FMNL3: variants seen among roughly 807,000 people sequenced by gnomAD.
FMNL3 encodes formin-like protein 3.
Under a neutral mutation model 119.6 loss-of-function variants are expected in FMNL3, and 57 were observed. The observed-to-expected ratio is 0.48, with a 90% confidence interval of 0.39 to 0.59. FMNL3 has a LOEUF of 0.59. FMNL3 is among the 20% of genes least tolerant of loss of function. The pLI, the probability that FMNL3 is intolerant of heterozygous loss-of-function variation, is 0.00. For synonymous variants in FMNL3, 491 were observed against 507.3 expected (o/e 0.97, Z 0.43); for missense variants, 1,053 against 1,323.5 (o/e 0.80, Z 3.17).
rs993910951 is a variant in FMNL3, at chr12:49,642,267, G to A, written c.*3548C>T. The A allele has an allele frequency of 5.0e-6, 8 of 1,614,106 alleles. No individual in the cohort carries two copies. The highest frequency in any genetic ancestry group is 6.8e-6 in the Non-Finnish European group (8 of 1,180,050). On this transcript the variant is annotated 3_prime_UTR_variant, in exon 26 of 26. Coordinates refer to ENST00000335154, the MANE Select transcript of FMNL3 (RefSeq NM_175736.5). This position sits in a 1 kb window ranked among gnomAD's most constrained non-coding sequence, Gnocchi z 5.8. ...AGAAAGCAGAGGCACGGGAGAGGGA[G>A]CGGGAGAAGGAGGAGGCACGCAGGA... is the stretch of plus-strand genomic sequence containing the variant.
Position 49,642,197 on chromosome 12 carries a change from T to C in FMNL3, c.*3618A>G. 3 of 1,613,904 alleles carry C rather than the reference T, an allele frequency of 1.9e-6. No individual in the cohort carries two copies. The highest frequency in any genetic ancestry group is 2.5e-6 in the Non-Finnish European group (3 of 1,179,928). ...CCTGAGTGGGACCTGGCATCCACCCTCCTGGGTGACCCTGTTCCGTGTCCC... is the reference window on the plus strand; with the variant it reads ...CCTGAGTGGGACCTGGCATCCACCCCCCTGGGTGACCCTGTTCCGTGTCCC... On this transcript the variant is annotated 3_prime_UTR_variant, in exon 26 of 26. Coordinates refer to ENST00000335154, the MANE Select transcript of FMNL3 (RefSeq NM_175736.5). This position sits in a 1 kb window ranked among gnomAD's most constrained non-coding sequence, Gnocchi z 5.8.
chr12:49,665,424 G>C (rs1943862877), intron 4 of FMNL3, among the ~76,000 whole-genome samples: 1 of 152,160 alleles, frequency 6.6e-6, no homozygotes. Context: ...GCACCAAAAA[G>C]TCCAAATAGT....
Position 49,642,011 on chromosome 12 carries a change from T to A in FMNL3, c.*3804A>T. The stretch of plus-strand genomic sequence containing the variant: ...GCACTGGACGCAGGCAACATCAAGC[T>A]GACCTTCAATAGTGTGAGGGGCTGG... On this transcript the variant is annotated 3_prime_UTR_variant, in exon 26 of 26. Transcript: ENST00000335154. This position sits in a 1 kb window ranked among gnomAD's most constrained non-coding sequence, Gnocchi z 5.8. The A allele has an allele frequency of 6.2e-7, 1 of 1,612,996 alleles. No homozygotes were observed. The highest frequency in any genetic ancestry group is 2.2e-5 in the East Asian group (1 of 44,888).
At chr12:49,654,764 G>T (rs1232666444) in intron 10 of FMNL3, 146 bp downstream of exon 10, 4 of 743,682 alleles carry the variant, frequency 5.4e-6, no homozygotes, top group Non-Finnish European at 8.9e-6. Flanking sequence ...TCTGGGGTAG[G>T]CAGGTGGACA....
rs775984885 is a variant in FMNL3, at chr12:49,644,317, C to T, written c.*1498G>A. The T allele has an allele frequency of 3.8e-6, 4 of 1,063,358 alleles. No homozygotes were observed. Among genetic ancestry groups the T allele is most frequent in the Non-Finnish European group, 5.6e-6 (4 of 715,342 alleles). 65.9% of individuals were successfully genotyped at this position (1,063,358 alleles called of 1,614,324 possible). On this transcript the variant is annotated 3_prime_UTR_variant, in exon 26 of 26. Coordinates refer to ENST00000335154, the MANE Select transcript of FMNL3 (RefSeq NM_175736.5). ...CACTTTTTCTAAAGTAACCCCACCC[C>T]CAGCACACCATTGTTGGCACCTCTC...
Position 49,647,515 on chromosome 12 carries a change from T to C in FMNL3, c.2779-147A>G. 1.3e-5 allele frequency: 13 copies of C among 1,012,680 alleles called. No individual in the cohort carries two copies. The South Asian group carries it at 1.9e-4, about 14-fold the overall frequency. The allele number at this position is 1,012,680 out of a possible 1,614,324, so 62.7% of individuals were successfully genotyped here. A position where few individuals can be genotyped will look rare whatever the true frequency, so the allele number is the denominator to read the frequency against. ...GAGGGGCACTTCCTGCCCCAAACAA[T>C]GACAGGAAGGTCCTGGGCCCCACCC... On this transcript the variant is annotated intron_variant, in intron 23 of 25. Coordinates refer to ENST00000335154, the MANE Select transcript of FMNL3 (RefSeq NM_175736.5). This position sits in a 1 kb window ranked among gnomAD's most constrained non-coding sequence, Gnocchi z 4.9.
At position 49,642,021 on chromosome 12, in the gene FMNL3, T is replaced by A. The variant is rs1459420459; in HGVS notation, c.*3794A>T. On this transcript the variant is annotated 3_prime_UTR_variant, in exon 26 of 26. Transcript: ENST00000335154. The surrounding 1 kb of genome is among the most constrained non-coding windows in gnomAD (Gnocchi z 5.8). ...CAGGCAACATCAAGCTGACCTTCAA[T>A]AGTGTGAGGGGCTGGGCGGGGCGTG... 1 of 1,612,512 alleles carries A rather than the reference T, an allele frequency of 6.2e-7. No homozygotes were observed.
chr12:49,637,237 G>C lies in FMNL3; in HGVS notation c.*8578C>G, dbSNP rs142467817. ...GCAGGTTTCTGTTTCTTTGCATCCCGGGACTGGCTTGTTCTCACCTTTTTG... is the reference window on the plus strand; with the variant it reads ...GCAGGTTTCTGTTTCTTTGCATCCCCGGACTGGCTTGTTCTCACCTTTTTG... On this transcript the variant is annotated 3_prime_UTR_variant, in exon 26 of 26. Coordinates refer to ENST00000335154, the MANE Select transcript of FMNL3 (RefSeq NM_175736.5). The C allele has an allele frequency of 2.3e-4, 133 of 577,444 alleles. No individual in the cohort carries two copies. Among genetic ancestry groups the C allele is most frequent in the African/African-American group, 2.2e-3 (117 of 53,654 alleles). The allele number at this position is 577,444 out of a possible 1,614,324, so 35.8% of individuals were successfully genotyped here.
At chr12:49,667,059 C>T (rs763392951) in intron 2 of FMNL3, among the ~76,000 whole-genome samples, 26 of 152,084 alleles carry the variant, frequency 1.7e-4, no homozygotes, top group Admixed American at 5.2e-4. Flanking sequence ...GGTCATCCCT[C>T]GATTCCCTTC....
Position 49,637,938 on chromosome 12 carries a change from T to TGG in FMNL3, c.*7876_*7877insCC. ...AAGCATTACAGCTTGGTTCAGCAGA[T>TGG]ATCTACTGTGATCCTTTACTGCACA... On this transcript the variant is annotated 3_prime_UTR_variant, in exon 26 of 26. Transcript: ENST00000335154. 1 of 806,894 alleles carries TGG rather than the reference T, an allele frequency of 1.2e-6. No homozygotes were observed. The highest frequency in any genetic ancestry group is 1.7e-5 in the African/African-American group (1 of 59,538). 50.0% of individuals were successfully genotyped at this position (806,894 alleles called of 1,614,324 possible). A position where few individuals can be genotyped will look rare whatever the true frequency, so the allele number is the denominator to read the frequency against.
At position 49,642,520 on chromosome 12, in the gene FMNL3, C is replaced by T. The variant is rs1017656627; in HGVS notation, c.*3295G>A. ...CCCCAGCCCTGCCCTGTGCTCATGG[C>T]GGTGTCCAGGCCAGGCTGAGTGGGG... On this transcript the variant is annotated 3_prime_UTR_variant, in exon 26 of 26. Transcript: ENST00000335154. The surrounding 1 kb of genome is among the most constrained non-coding windows in gnomAD (Gnocchi z 5.8). 6.9e-6 allele frequency: 11 copies of T among 1,590,086 alleles called. No homozygotes were observed. Among genetic ancestry groups the T allele is most frequent in the East Asian group, 2.2e-5 (1 of 44,626 alleles).
At position 49,651,274 on chromosome 12, in the gene FMNL3, G is replaced by T. The variant is rs779227265; in HGVS notation, c.1691C>A (p.Pro564His). ...AGGCAGCCGGAACTTGGTCTTGATA[G>T]GTTTCTTAATTCGAATGGCTAATTT... ...VGLSAIRIKK[P>H]IKTKFRLPVF... The change falls in exon 16 of 26, where the codon CCT (proline) becomes CAT (histidine). Residue 564 changes from proline (P) to histidine (H), a missense_variant. Coordinates refer to ENST00000335154, the MANE Select transcript of FMNL3 (RefSeq NM_175736.5). 1.2e-6 allele frequency: 2 copies of T among 1,612,508 alleles called. No individual in the cohort carries two copies. Among genetic ancestry groups the T allele is most frequent in the Non-Finnish European group, 1.7e-6 (2 of 1,178,618 alleles).
chr12:49,699,882 CG>C (rs1426716988), intron 1 of FMNL3, among the ~76,000 whole-genome samples: 3 of 152,254 alleles, frequency 2.0e-5, no homozygotes, highest in Admixed American at 2.0e-4. Context: ...CACTCAGTAA[CG>C]GTTAGCTTAC....
Position 49,642,344 on chromosome 12 carries a change from C to G in FMNL3, c.*3471G>C. ...AGCATGCTGAGGCAGGCTGTGCCTG[C>G]TCTGGAGCTAGGCACTGCCTGGGAA... On this transcript the variant is annotated 3_prime_UTR_variant, in exon 26 of 26. Coordinates refer to ENST00000335154, the MANE Select transcript of FMNL3 (RefSeq NM_175736.5). The surrounding 1 kb of genome is among the most constrained non-coding windows in gnomAD (Gnocchi z 5.8). The G allele has an allele frequency of 6.2e-7, 1 of 1,613,948 alleles. No homozygotes were observed. The highest frequency in any genetic ancestry group is 8.5e-7 in the Non-Finnish European group (1 of 1,180,018).
chr12:49,659,584 A>T (rs959264786), intron 5 of FMNL3, among the ~76,000 whole-genome samples: 1 of 151,974 alleles, frequency 6.6e-6, no homozygotes, highest in Admixed American at 6.5e-5. Flanking sequence ...CTAATTTTTT[A>T]AAATTTTCTT....
chr12:49,683,336 T>C (rs1471966181), intron 1 of FMNL3, among the ~76,000 whole-genome samples: 5 of 152,150 alleles, frequency 3.3e-5, no homozygotes, highest in Non-Finnish European at 7.3e-5. Context: ...ACCTCATGTG[T>C]CTCAAAGTGG....
rs187948329 is a variant in FMNL3 at position 49,637,833 on chromosome 12, G to C, written c.*7982C>G. On this transcript the variant is annotated 3_prime_UTR_variant, in exon 26 of 26. Coordinates refer to ENST00000335154, the MANE Select transcript of FMNL3 (RefSeq NM_175736.5). ...TTAAGGACATCCTTAAGGTGAGGGA[G>C]GCTGGGGTTATGGATGGATACAGGA... 188 of 1,594,576 alleles carry C rather than the reference G, an allele frequency of 1.2e-4. No individual in the cohort carries two copies. The African/African-American group carries it at 2.3e-3, about 19-fold the overall frequency.
In FMNL3 at chr12:49,636,739, A is replaced by G; in HGVS notation, c.*9076T>C. 1 of 1,614,160 alleles carries G rather than the reference A, an allele frequency of 6.2e-7. No individual in the cohort carries two copies. The highest frequency in any genetic ancestry group is 8.5e-7 in the Non-Finnish European group (1 of 1,180,026). ...AGACATGGACAAGGAAGATGCACTG[A>G]TCTGTTTTGAGGAGCACATCCGAGC... On this transcript the variant is annotated 3_prime_UTR_variant, in exon 26 of 26. Coordinates refer to ENST00000335154, the MANE Select transcript of FMNL3 (RefSeq NM_175736.5).
Position 49,653,878 on chromosome 12 carries a change from G to A in FMNL3, c.1072-4C>T, listed in dbSNP as rs561904209. The A allele has an allele frequency of 1.9e-6, 3 of 1,614,032 alleles. No homozygotes were observed. Among genetic ancestry groups the A allele is most frequent in the African/African-American group, 2.7e-5 (2 of 75,032 alleles). On this transcript the variant is annotated splice_region_variant and splice_polypyrimidine_tract_variant and intron_variant, in intron 11 of 25. Transcript: ENST00000335154. Reference sequence around the variant, plus strand: ...CGCTCTCTGTGTGCCTTGACTTCTGGGGGAAGAGCAGAGAGTAGGAGTAGT... The same window carrying A: ...CGCTCTCTGTGTGCCTTGACTTCTGAGGGAAGAGCAGAGAGTAGGAGTAGT...
Sources: gnomAD v4.1 joint callset for allele counts (sites outside exome capture counted in the v4.1 genomes callset) on GRCh38, gnomAD v4.1.1 for gene constraint, Gnocchi (gnomAD v3.1) non-coding constraint, MANE v1.5 for transcripts, NCBI Gene and HGNC (gene_info 2026-07-23, HGNC 2026-07-21) for gene names.